The following EEF2 variants were observed in gnomAD, a reference collection of about 807,000 sequenced individuals.
The protein encoded by EEF2 is eukaryotic translation elongation factor 2.
Under a neutral mutation model 85.3 loss-of-function variants are expected in EEF2, and 21 were observed. That is an observed-to-expected ratio of 0.25 (90% CI 0.17 to 0.35). The LOEUF is 0.35. Ranked by LOEUF, EEF2 falls within the 10% of genes least tolerant of loss-of-function variation. EEF2 has a pLI of 1.00. For synonymous variants in EEF2, 723 were observed against 508.8 expected (o/e 1.42, Z -5.67); for missense variants, 825 against 1,225.3 (o/e 0.67, Z 4.88).
chr19:3,976,909 A>G (rs879333204), intron 14 of EEF2, among the ~76,000 whole-genome samples, 162 bp from the exon 15 acceptor site: 23 of 152,332 alleles, frequency 1.5e-4, no homozygotes, highest in Admixed American at 9.1e-4. Context: ...CAGGCCACTC[A>G]TGGGCCTCAT....
At position 3,977,619 on chromosome 19, in the gene EEF2, G is replaced by A; in HGVS notation, c.2068-9C>T. ...TCCTCACACAGTGCGCCCTGGGGGA[G>A]GGGGAGAGCCACCGTCAAGGGCCGG... On this transcript the variant is annotated splice_polypyrimidine_tract_variant and intron_variant, in intron 12 of 14. Coordinates refer to ENST00000309311, the MANE Select transcript of EEF2 (RefSeq NM_001961.4). This position sits in a 1 kb window ranked among gnomAD's most constrained non-coding sequence, Gnocchi z 5.4. The A allele has an allele frequency of 3.3e-6, 5 of 1,505,376 alleles. No homozygotes were observed. Among genetic ancestry groups the A allele is most frequent in the Non-Finnish European group, 4.4e-6 (5 of 1,131,208 alleles). 93.3% of individuals were successfully genotyped at this position (1,505,376 alleles called of 1,614,324 possible). A position where few individuals can be genotyped will look rare whatever the true frequency, so the allele number is the denominator to read the frequency against.
chr19:3,982,100 G>A, intron 5 of EEF2, 48 bp from the exon 6 acceptor site: 9 of 1,606,684 alleles, frequency 5.6e-6, no homozygotes, highest in Non-Finnish European at 6.8e-6. Context: ...TCCAGGGGAT[G>A]ACTTGGGGAG....
chr19:3,979,647 G>T (rs991742103), intron 10 of EEF2, among the ~76,000 whole-genome samples, 161 bp downstream of exon 10: 1 of 152,268 alleles, frequency 6.6e-6, no homozygotes, highest in African/African-American at 2.4e-5. Context: ...GGTGGTGGCT[G>T]CCTGGGCAGG....
intron 6 of EEF2, among the ~76,000 whole-genome samples, 154 bp from the exon 7 acceptor site, chr19:3,981,606 G>C (rs2039748008): frequency 6.6e-6 from 1 of 152,234 alleles, no homozygotes; most frequent in Non-Finnish European, 1.5e-5. Context: ...CCAGCCAGCT[G>C]AGCGGATCGG....
intron 2 of EEF2, chr19:3,983,854 C>A (rs2039786300): frequency 4.1e-6 from 2 of 491,272 alleles, no homozygotes; most frequent in Non-Finnish European, 3.7e-6. Context: ...GTGTGACAGC[C>A]AAACCTCTCC....
rs1568202558 is a variant in EEF2, at chr19:3,983,221, C to T, written c.289G>A (p.Gly97Ser). Residue 97 changes from glycine (G) to serine (S), a missense_variant, in exon 3 of 15, where the codon GGC becomes AGC. Gly to Ser is a moderately conservative substitution (Grantham distance 56, BLOSUM62 0). Transcript: ENST00000309311. ...NFIKQSKDGA[G>S]FLINLIDSPG... ...GAGTCAATGAGGTTGATGAGGAAGC[C>T]GGCACCGTCCTTGCTCTGCTTGATG... is the stretch of plus-strand genomic sequence containing the variant. The T allele has an allele frequency of 6.2e-7, 1 of 1,613,954 alleles. No homozygotes were observed. The highest frequency in any genetic ancestry group is 8.5e-7 in the Non-Finnish European group (1 of 1,179,968).
chr19:3,984,786 C>A, intron 1 of EEF2: 1 of 196,174 alleles, frequency 5.1e-6, no homozygotes, highest in Non-Finnish European at 1.1e-5. Flanking sequence ...CAGACAAGGC[C>A]ACCCACCCCA....
In EEF2 at chr19:3,982,442, G is replaced by A. The variant is rs780288555; in HGVS notation, c.613-18C>T. On this transcript the variant is annotated intron_variant, in intron 4 of 14. Coordinates refer to ENST00000309311, the MANE Select transcript of EEF2 (RefSeq NM_001961.4). ...GGATCGATCTGGAAGTGTGAGAAAC[G>A]AGAAGCAGCCGTGAGGGCCCCTGCG... 3.6e-5 allele frequency: 58 copies of A among 1,613,656 alleles called. No homozygotes were observed. Among genetic ancestry groups the A allele is most frequent in the Admixed American group, 1.0e-4 (6 of 60,002 alleles).
chr19:3,985,196 C>T (rs774384399), intron 1 of EEF2, 182 bp downstream of exon 1: 20 of 610,854 alleles, frequency 3.3e-5, no homozygotes, highest in South Asian at 5.9e-5. Context: ...GGAGAAAGGG[C>T]TCGGTGAACA....
chr19:3,979,442 AGGGATGC>A lies in EEF2; in HGVS notation c.1606-13_1606-7del, dbSNP rs1193164338. 2.5e-6 allele frequency: 4 copies of A among 1,612,328 alleles called. No individual in the cohort carries two copies. In the South Asian group the frequency reaches 4.4e-5, roughly 18 times the overall value. On this transcript the variant is annotated splice_region_variant and splice_polypyrimidine_tract_variant and intron_variant, in intron 10 of 14. Transcript: ENST00000309311. ...CCCGACTCCTCGATGATGCACTGAA[AGGGATGC>A]GGGTCAGCACCAAAGGGGTAGGCGG...
rs1338017855 is a variant in EEF2 at position 3,977,672 on chromosome 19, T to C, written c.2068-62A>G. The stretch of plus-strand genomic sequence containing the variant: ...ACACCTCGGCTGCTTGCCCTCCACC[T>C]GCCAAGTCCTGCAGGTCTCCACCAG... On this transcript the variant is annotated intron_variant, in intron 12 of 14. Transcript: ENST00000309311. The surrounding 1 kb of genome is among the most constrained non-coding windows in gnomAD (Gnocchi z 5.4). 3 of 1,474,612 alleles carry C rather than the reference T, an allele frequency of 2.0e-6. No individual in the cohort carries two copies. The highest frequency in any genetic ancestry group is 1.4e-5 in the African/African-American group (1 of 71,318). The allele number at this position is 1,474,612 out of a possible 1,614,324, so 91.3% of individuals were successfully genotyped here.
Position 3,984,225 on chromosome 19 carries a change from C to G in EEF2, c.129G>C (p.Ala43=), listed in dbSNP as rs780192260. 5.6e-6 allele frequency: 9 copies of G among 1,614,020 alleles called. No individual in the cohort carries two copies. Among genetic ancestry groups the G allele is most frequent in the Non-Finnish European group, 7.6e-6 (9 of 1,180,042 alleles). The change falls in exon 2 of 15, where the codon GCG becomes GCC. Residue 43 remains alanine (A), a synonymous_variant. Coordinates refer to ENST00000309311, the MANE Select transcript of EEF2 (RefSeq NM_001961.4). Reference sequence around the variant, plus strand: ...CGGCCCGGGCCGAGGCGATGATGCCCGCCTTGCACACCAGGGAGTCTGTCA... The same window carrying G: ...CGGCCCGGGCCGAGGCGATGATGCCGGCCTTGCACACCAGGGAGTCTGTCA... ...STLTDSLVCK[A]GIIASARAGE...
chr19:3,976,674 G>T lies in EEF2; in HGVS notation c.2457C>A (p.Ile819=), dbSNP rs774422813. 3 of 1,608,566 alleles carry T rather than the reference G, an allele frequency of 1.9e-6. No homozygotes were observed. The highest frequency in any genetic ancestry group is 2.5e-6 in the Non-Finnish European group (3 of 1,178,680). ...FPQCVFDHWQ[I]LPGDPFDNSS... is the part of the protein sequence containing the mutation. ...TGTTGTCGAAGGGGTCTCCGGGCAG[G>T]ATCTGCCAGTGGTCAAACACACACT... The change falls in exon 15 of 15, where the codon ATC becomes ATA. Residue 819 remains isoleucine (I), a synonymous_variant. Transcript: ENST00000309311.
chr19:3,979,126 T>C (rs1284041870), intron 11 of EEF2, among the ~76,000 whole-genome samples: 2 of 151,710 alleles, frequency 1.3e-5, no homozygotes, highest in Non-Finnish European at 2.9e-5. Context: ...AGCGAGACTA[T>C]CTCAAAAAAA....
In EEF2 at chr19:3,979,274, C is replaced by G. The variant is rs999534859; in HGVS notation, c.1713+55G>C. 1.3e-5 allele frequency: 18 copies of G among 1,423,952 alleles called. No homozygotes were observed. The African/African-American group carries it at 2.1e-4, about 17-fold the overall frequency. The allele number at this position is 1,423,952 out of a possible 1,614,324, so 88.2% of individuals were successfully genotyped here. The stretch of plus-strand genomic sequence containing the variant: ...AGCCTAGCTCAGCTCAGCTTTAAAG[C>G]AGAGGGCAGGTGTCCGGGGTGGGGC... On this transcript the variant is annotated intron_variant, in intron 11 of 14. Coordinates refer to ENST00000309311, the MANE Select transcript of EEF2 (RefSeq NM_001961.4).
At chr19:3,981,878 C>T (rs2039752992) in intron 6 of EEF2, 69 bp downstream of exon 6, 17 of 1,451,470 alleles carry the variant, frequency 1.2e-5, no homozygotes, top group Middle Eastern at 2.2e-4. Flanking sequence ...GACAGGCTAC[C>T]GGCCGGAGCC....
intron 2 of EEF2, among the ~76,000 whole-genome samples, chr19:3,983,601 CA>C (rs1282736137): frequency 6.6e-6 from 1 of 152,156 alleles, no homozygotes; most frequent in African/African-American, 2.4e-5. Context: ...AGCAGGACGG[CA>C]AAAGCCTCCA....
At position 3,977,627 on chromosome 19, in the gene EEF2, G is replaced by A. The variant is rs1234109566; in HGVS notation, c.2068-17C>T. On this transcript the variant is annotated splice_polypyrimidine_tract_variant and intron_variant, in intron 12 of 14. Transcript: ENST00000309311. The surrounding 1 kb of genome is among the most constrained non-coding windows in gnomAD (Gnocchi z 5.4). ...CAGTGCGCCCTGGGGGAGGGGGAGA[G>A]CCACCGTCAAGGGCCGGACACACCT... 6.7e-7 allele frequency: 1 copy of A among 1,503,614 alleles called. No homozygotes were observed. Among genetic ancestry groups the A allele is most frequent in the Non-Finnish European group, 8.8e-7 (1 of 1,130,548 alleles). 93.1% of individuals were successfully genotyped at this position (1,503,614 alleles called of 1,614,324 possible).
At chr19:3,982,755 T>C (rs1392464265) in intron 4 of EEF2, 52 bp downstream of exon 4, 27 of 1,561,406 alleles carry the variant, frequency 1.7e-5, no homozygotes, top group Non-Finnish European at 2.1e-5. Flanking sequence ...CCCCACCGGC[T>C]CCTGCAGATC....
Sources: allele counts gnomAD v4.1 joint callset (sites outside exome capture counted in the v4.1 genomes callset), GRCh38; gene constraint gnomAD v4.1.1; non-coding constraint Gnocchi (gnomAD v3.1); transcripts MANE v1.5; gene names NCBI Gene and HGNC (gene_info 2026-07-23, HGNC 2026-07-21).